Variants in DHX37 observed in about 807,000 individuals in gnomAD.
The protein encoded by DHX37 is probable ATP-dependent RNA helicase DHX37.
In DHX37, 52 loss-of-function variants were observed where a neutral mutation model predicts 134.3. That is an observed-to-expected ratio of 0.39 (90% CI 0.31 to 0.49). The LOEUF (loss-of-function observed/expected upper bound fraction) is 0.49. Among genes scored for constraint, DHX37 ranks in the 20% least tolerant of loss-of-function variants. The probability of loss-of-function intolerance (pLI) is 0.93; values close to 1 mark genes in which losing one functional copy is unlikely to be tolerated. For synonymous variants in DHX37, 634 were observed against 670.7 expected (o/e 0.95, Z 0.85); for missense variants, 1,344 against 1,580.8 (o/e 0.85, Z 2.54).
intron 18 of DHX37, among the ~76,000 whole-genome samples, chr12:124,955,218 A>G (rs778783278): frequency 3.3e-5 from 5 of 152,236 alleles, no homozygotes; most frequent in African/African-American, 4.8e-5. Flanking sequence ...GGTGACTGGC[A>G]TAAAGCTACT....
intron 23 of DHX37, 63 bp from the exon 24 acceptor site, chr12:124,950,306 T>A: frequency 6.2e-7 from 1 of 1,607,522 alleles, no homozygotes; most frequent in Non-Finnish European, 8.5e-7. Context: ...GTCCCATCCC[T>A]GCCCCACCCG....
chr12:124,974,205 C>T (rs934303271), intron 6 of DHX37, among the ~76,000 whole-genome samples: 55 of 152,030 alleles, frequency 3.6e-4, no homozygotes, highest in Non-Finnish European at 2.2e-4. Flanking sequence ...CCACCTGCCT[C>T]GGCCTCCCAA....
At chr12:124,984,750 T>C (rs907599083) in intron 2 of DHX37, among the ~76,000 whole-genome samples, 6 of 152,180 alleles carry the variant, frequency 3.9e-5, no homozygotes, top group Admixed American at 2.6e-4. Context: ...TCTCTACTTA[T>C]AGAGATACAA....
chr12:124,975,378 G>A, intron 6 of DHX37, 41 bp downstream of exon 6: 2 of 1,602,882 alleles, frequency 1.2e-6, no homozygotes, highest in South Asian at 2.2e-5. Flanking sequence ...CAAGGCCACA[G>A]GACCACCCCA....
intron 1 of DHX37, 77 bp from the exon 2 acceptor site, chr12:124,986,342 G>T: frequency 6.5e-7 from 1 of 1,529,164 alleles, no homozygotes; most frequent in Non-Finnish European, 8.9e-7. Flanking sequence ...CCCCTGACTT[G>T]CATGGGGGCC....
In DHX37 at chr12:124,980,838, C is replaced by T; in HGVS notation, c.390G>A (p.Glu130=). The part of the protein sequence containing the change: ...GTGNRMYHTK[E]KADEVVAPGQ... ...CCGGGGCTACCACCTCGTCAGCCTT[C>T]CTGTTGAGATAGCAGAGACTTCAGG... is the stretch of plus-strand genomic sequence containing the variant. Residue 130 remains glutamate, a splice_region_variant and synonymous_variant, in exon 4 of 27, where the codon GAG becomes GAA. Coordinates refer to ENST00000308736, the MANE Select transcript of DHX37 (RefSeq NM_032656.4). This position sits in a 1 kb window ranked among gnomAD's most constrained non-coding sequence, Gnocchi z 5.3. 1 of 1,549,788 alleles carries T rather than the reference C, an allele frequency of 6.5e-7. No individual in the cohort carries two copies. Among genetic ancestry groups the T allele is most frequent in the Admixed American group, 1.9e-5 (1 of 52,558 alleles).
chr12:124,989,112 G>A lies in DHX37; in HGVS notation c.-90C>T, dbSNP rs182839832. On this transcript the variant is annotated 5_prime_UTR_variant, in exon 1 of 27. Transcript: ENST00000308736. ...CGTGGGTTCCCAGACCACCAACTCCGGCCGTGAGACTTCCGGGTTGTGTTA... is the reference window on the plus strand; with the variant it reads ...CGTGGGTTCCCAGACCACCAACTCCAGCCGTGAGACTTCCGGGTTGTGTTA... 2.5e-6 allele frequency: 2 copies of A among 811,790 alleles called. No homozygotes were observed. The highest frequency in any genetic ancestry group is 1.7e-6 in the Non-Finnish European group (1 of 595,498). The allele number at this position is 811,790 out of a possible 1,614,324, so 50.3% of individuals were successfully genotyped here. A position where few individuals can be genotyped will look rare whatever the true frequency, so the allele number is the denominator to read the frequency against.
intron 6 of DHX37, among the ~76,000 whole-genome samples, chr12:124,973,242 AC>A (rs1954556054): frequency 1.3e-5 from 2 of 151,980 alleles, no homozygotes; most frequent in African/African-American, 4.8e-5. Flanking sequence ...ACATGGTGAA[AC>A]CCCATCTCTA....
intron 15 of DHX37, among the ~76,000 whole-genome samples, chr12:124,961,266 A>G (rs1457508804): frequency 1.0e-5 from 1 of 98,378 alleles, no homozygotes; most frequent in Non-Finnish European, 2.0e-5. Context: ...GCACACACAT[A>G]CACGCGTGCA....
At chr12:124,967,450 C>A (rs1954413303) in intron 10 of DHX37, among the ~76,000 whole-genome samples, 1 of 152,200 alleles carries the variant, frequency 6.6e-6, no homozygotes, top group African/African-American at 2.4e-5. Context: ...CTCCCAGGAA[C>A]AGACCCAAAA....
chr12:124,957,093 G>T lies in DHX37; in HGVS notation c.2200C>A (p.Leu734Ile), dbSNP rs1954114764. The T allele has an allele frequency of 1.3e-6, 2 of 1,496,604 alleles. No homozygotes were observed. 92.7% of individuals were successfully genotyped at this position (1,496,604 alleles called of 1,614,324 possible). A position where few individuals can be genotyped will look rare whatever the true frequency, so the allele number is the denominator to read the frequency against. Residue 734 changes from leucine to isoleucine, a missense_variant, in exon 17 of 27, where the codon CTT (leucine) becomes ATT (isoleucine). Around this residue, in one of 7 missense-constraint regions of DHX37, gnomAD observed 558 missense variants for 650.0 expected, o/e 0.86. Transcript: ENST00000308736. ...ATCAACAGCTCCTCGGCGGCAAGAAGGGCTTCCACGGAGGGGGGCGTCGGG... is the reference window on the plus strand; with the variant it reads ...ATCAACAGCTCCTCGGCGGCAAGAATGGCTTCCACGGAGGGGGGCGTCGGG... ...PFPTPPSVEA[L>I]LAAEELLIAL...
rs540981269 is a variant in DHX37 at position 124,949,825 on chromosome 12, C to T, written c.3290+161G>A. ...GGCAAGACGGACCCTCCCCGAGAGC[C>T]GCTGCACAGACCGTGGCTCTGCAGA... On this transcript the variant is annotated intron_variant, in intron 25 of 26. Coordinates refer to ENST00000308736, the MANE Select transcript of DHX37 (RefSeq NM_032656.4). This position sits in a 1 kb window ranked among gnomAD's most constrained non-coding sequence, Gnocchi z 4.0. Among the ~76,000 whole-genome samples, 11 of 152,262 alleles carry T rather than the reference C, an allele frequency of 7.2e-5. No individual in the cohort carries two copies. The East Asian group carries it at 1.2e-3, about 16-fold the overall frequency.
At chr12:124,950,082 G>T (rs1488417189) in intron 24 of DHX37, 23 bp from the exon 25 acceptor site, 1 of 1,613,844 alleles carries the variant, frequency 6.2e-7, no homozygotes, top group Non-Finnish European at 8.5e-7. Flanking sequence ...CACAGGAAGG[G>T]GTGAGGCCCG....
chr12:124,981,389 G>A (rs934574859), intron 3 of DHX37, among the ~76,000 whole-genome samples: 1 of 152,132 alleles, frequency 6.6e-6, no homozygotes, highest in Non-Finnish European at 1.5e-5. Context: ...GCCATTTAAG[G>A]GTCAGCAGCT....
chr12:124,964,482 A>G lies in DHX37; in HGVS notation c.1957T>C (p.Ser653Pro). Residue 653 changes from serine to proline, a missense_variant, in exon 15 of 27, where the codon TCC becomes CCC. By Grantham distance (74) the Ser-to-Pro change is moderately conservative. Around this residue, in one of 7 missense-constraint regions of DHX37, gnomAD observed 39 missense variants for 87.9 expected, o/e 0.44. Transcript: ENST00000308736. ...GAGACCCAGGTGACACGGAAGGAGGATACGCCAGTGACGCGGTCGTAGTAG... is the reference window on the plus strand; with the variant it reads ...GAGACCCAGGTGACACGGAAGGAGGGTACGCCAGTGACGCGGTCGTAGTAG... ...KRYYDRVTGV[S>P]SFRVTWVSQA... 6.2e-7 allele frequency: 1 copy of G among 1,614,144 alleles called. No individual in the cohort carries two copies. The highest frequency in any genetic ancestry group is 8.5e-7 in the Non-Finnish European group (1 of 1,180,016).
At chr12:124,975,173 G>A (rs904804815) in intron 6 of DHX37, among the ~76,000 whole-genome samples, 2 of 152,096 alleles carry the variant, frequency 1.3e-5, no homozygotes, top group South Asian at 2.1e-4. Context: ...CTCTGTTCTC[G>A]AGCCCCTGGA....
At chr12:124,973,947 A>G (rs1954575815) in intron 6 of DHX37, among the ~76,000 whole-genome samples, 1 of 98,016 alleles carries the variant, frequency 1.0e-5, no homozygotes, top group African/African-American at 4.6e-5. Flanking sequence ...CCAGTCCCCA[A>G]ATTTTTTTTT....
At chr12:124,977,224 C>T (rs1028024936) in intron 5 of DHX37, 118 bp downstream of exon 5, 40 of 1,278,948 alleles carry the variant, frequency 3.1e-5, no homozygotes, top group Non-Finnish European at 1.1e-5. Context: ...TGAAGTCACA[C>T]AGCATGCACA....
In DHX37 at chr12:124,980,820, T is replaced by TACC; in HGVS notation, c.405_407dup (p.Val136dup). The stretch of plus-strand genomic sequence containing the variant: ...TACTGATCTTCTCCTGGCCCGGGGC[T>TACC]ACCACCTCGTCAGCCTTCCTGTTGA... On this transcript the variant is annotated inframe_insertion, in exon 4 of 27. Coordinates refer to ENST00000308736, the MANE Select transcript of DHX37 (RefSeq NM_032656.4). The surrounding 1 kb of genome is among the most constrained non-coding windows in gnomAD (Gnocchi z 5.3). The TACC allele has an allele frequency of 1.3e-6, 2 of 1,554,386 alleles. No individual in the cohort carries two copies. Among genetic ancestry groups the TACC allele is most frequent in the Non-Finnish European group, 1.7e-6 (2 of 1,152,752 alleles).
Sources: allele counts gnomAD v4.1 joint callset (sites outside exome capture counted in the v4.1 genomes callset), GRCh38; gene constraint gnomAD v4.1.1; regional missense constraint gnomAD v4.1.1; non-coding constraint Gnocchi (gnomAD v3.1); transcripts MANE v1.5; gene names NCBI Gene and HGNC (gene_info 2026-07-23, HGNC 2026-07-21).